PCDHGA8: variants seen among roughly 807,000 people sequenced by gnomAD.
PCDHGA8 encodes protocadherin gamma-A8.
A neutral mutation model predicts 59.2 loss-of-function variants in PCDHGA8; 45 were observed. The observed-to-expected ratio is 0.76, with a 90% CI of 0.60 to 0.98. PCDHGA8 has a LOEUF of 0.98. Ranked by LOEUF, PCDHGA8 falls within the 50% of genes least tolerant of loss-of-function variation. The pLI is 0.00. For synonymous variants in PCDHGA8, 531 were observed against 519.0 expected (o/e 1.02, Z -0.32); for missense variants, 1,257 against 1,196.2 (o/e 1.05, Z -0.75).
chr5:141,404,965 C>A, intron 1 of PCDHGA8: 1 of 1,614,030 alleles, frequency 6.2e-7, no homozygotes, highest in Non-Finnish European at 8.5e-7. Context: ...TCCCAGACAT[C>A]CTGGCTGACC....
intron 2 of PCDHGA8, among the ~76,000 whole-genome samples, chr5:141,497,390 C>T (rs2099776143): frequency 6.6e-6 from 1 of 152,158 alleles, no homozygotes; most frequent in Non-Finnish European, 1.5e-5. Context: ...GAGCACCTTA[C>T]CCCTGCCTCA....
chr5:141,392,857 T>C lies in PCDHGA8; in HGVS notation c.44T>C (p.Leu15Pro). 8 of 1,612,536 alleles carry C rather than the reference T, an allele frequency of 5.0e-6. No homozygotes were observed. Among genetic ancestry groups the C allele is most frequent in the Non-Finnish European group, 6.8e-6 (8 of 1,179,450 alleles). ...CGCCCCAGACGCGGCGAGCTGATCC[T>C]GCTGTGCGCGCTGCTGGGAACGCTG... is the stretch of plus-strand genomic sequence containing the variant. ...QSRPRRGELI[L>P]LCALLGTLWE... Residue 15 changes from leucine (L) to proline (P), a missense_variant, in exon 1 of 4, where the codon CTG (leucine) becomes CCG (proline). Physicochemically the swap from Leu to Pro is moderately conservative, Grantham distance 98 (BLOSUM62 -3). Transcript: ENST00000398604.
chr5:141,490,793 C>T lies in PCDHGA8; in HGVS notation c.2425-4014C>T, dbSNP rs2233608. 6 of 1,613,812 alleles carry T rather than the reference C, an allele frequency of 3.7e-6. No homozygotes were observed. The East Asian group carries it at 1.3e-4, about 36-fold the overall frequency. On this transcript the variant is annotated intron_variant, in intron 1 of 3. Transcript: ENST00000398604. This position sits in a 1 kb window ranked among gnomAD's most constrained non-coding sequence, Gnocchi z 5.4. Reference sequence around the variant, plus strand: ...AACCCAGAGGATGGACGGATCTTTGCCCAGCGTACCTTTGACTATGAATTG... The same window carrying T: ...AACCCAGAGGATGGACGGATCTTTGTCCAGCGTACCTTTGACTATGAATTG...
chr5:141,478,424 G>A, intron 1 of PCDHGA8: 2 of 1,613,686 alleles, frequency 1.2e-6, no homozygotes, highest in African/African-American at 1.3e-5. Context: ...CCGCCGCAGC[G>A]ACCCGCTGCT....
chr5:141,409,566 C>G (rs750850161), intron 1 of PCDHGA8: 1 of 1,613,978 alleles, frequency 6.2e-7, no homozygotes, highest in South Asian at 1.1e-5. Flanking sequence ...TTCGACCAGA[C>G]GTCCTACGTG....
chr5:141,422,790 C>G, intron 1 of PCDHGA8: 1 of 1,614,060 alleles, frequency 6.2e-7, no homozygotes, highest in South Asian at 1.1e-5. Context: ...TACAATCCTT[C>G]GACTATGAGC....
rs539901154 is a variant in PCDHGA8, at chr5:141,413,036, T to C, written c.2424+17799T>C. 238 of 805,778 alleles carry C rather than the reference T, an allele frequency of 3.0e-4. 1 individual carries two copies. Among genetic ancestry groups the C allele is most frequent in the Non-Finnish European group, 4.2e-4 (226 of 532,568 alleles). 49.9% of individuals were successfully genotyped at this position (805,778 alleles called of 1,614,324 possible). On this transcript the variant is annotated intron_variant, in intron 1 of 3. Transcript: ENST00000398604. ...TACACAAGCCCCACAAACCGGCTGC[T>C]GGGCTGCAGGGAAGCTCACTCCAGA...
chr5:141,414,222 A>G lies in PCDHGA8; in HGVS notation c.2424+18985A>G, dbSNP rs1038407271. 3.7e-6 allele frequency: 6 copies of G among 1,613,316 alleles called. No individual in the cohort carries two copies. The African/African-American group carries it at 5.3e-5, about 14-fold the overall frequency. On this transcript the variant is annotated intron_variant, in intron 1 of 3. Coordinates refer to ENST00000398604, the MANE Select transcript of PCDHGA8 (RefSeq NM_032088.2). ...TAGAAGATGTAAATGACAACAGTCC[A>G]GAGCTGACCATCACGTCTCTATTTA...
intron 1 of PCDHGA8, among the ~76,000 whole-genome samples, chr5:141,456,023 G>A (rs937523861): frequency 1.3e-5 from 2 of 151,586 alleles, no homozygotes; most frequent in South Asian, 2.1e-4. Context: ...TCAGCCTCCC[G>A]AGTAGCTGGG....
intron 1 of PCDHGA8, among the ~76,000 whole-genome samples, chr5:141,469,859 A>C (rs2099213257): frequency 6.6e-6 from 1 of 152,080 alleles, no homozygotes; most frequent in Non-Finnish European, 1.5e-5. Context: ...GACCGGGTGC[A>C]ATGGCTCACG....
intron 1 of PCDHGA8, chr5:141,471,361 C>T (rs1206745378): frequency 6.6e-6 from 1 of 151,976 alleles, no homozygotes; most frequent in Non-Finnish European, 1.5e-5. Context: ...TCCAAGCCCC[C>T]TATTTTTATT....
rs1590066119 is a variant in PCDHGA8, at chr5:141,417,816, C to G, written c.2424+22579C>G. On this transcript the variant is annotated intron_variant, in intron 1 of 3. Transcript: ENST00000398604. ...CTTTTAGCGCGGTAGAGTGCACTTT[C>G]TCCAACTGGAAAAGCGGGGACCCAG... is the stretch of plus-strand genomic sequence containing the variant. 3 of 1,511,044 alleles carry G rather than the reference C, an allele frequency of 2.0e-6. No homozygotes were observed. The East Asian group carries it at 7.4e-5, about 37-fold the overall frequency. 93.6% of individuals were successfully genotyped at this position (1,511,044 alleles called of 1,614,324 possible).
intron 1 of PCDHGA8, among the ~76,000 whole-genome samples, chr5:141,434,767 C>T (rs2097715264): frequency 6.6e-6 from 1 of 151,182 alleles, no homozygotes. Flanking sequence ...CCACTTCACA[C>T]TTCTAAAAAA....
At chr5:141,403,890 C>A in intron 1 of PCDHGA8, 1 of 1,613,714 alleles carries the variant, frequency 6.2e-7, no homozygotes, top group Non-Finnish European at 8.5e-7. Flanking sequence ...GAAGAATGTT[C>A]ATTTTATGAA....
In PCDHGA8 at chr5:141,438,591, C is replaced by T. The variant is rs12717894; in HGVS notation, c.2424+43354C>T. 3.5e-3 allele frequency among the ~76,000 whole-genome samples: 262 copies of T among 75,376 alleles called. 1 individual carries two copies. The highest frequency in any genetic ancestry group is 4.5e-3 in the Non-Finnish European group (168 of 37,204). 49.4% of individuals were successfully genotyped at this position (75,376 alleles called of 152,430 possible). ...TCTGATATACATACATACATACATA[C>T]ATATATATATATATATATATATATA... On this transcript the variant is annotated intron_variant, in intron 1 of 3. Transcript: ENST00000398604.
At chr5:141,404,855 A>G (rs370062374) in intron 1 of PCDHGA8, 13 of 1,613,704 alleles carry the variant, frequency 8.1e-6, no homozygotes, top group African/African-American at 2.7e-5. Flanking sequence ...CCTGCTAGAT[A>G]GAGATGCGCT....
chr5:141,478,290 A>G, intron 1 of PCDHGA8: 1 of 1,614,056 alleles, frequency 6.2e-7, no homozygotes, highest in South Asian at 1.1e-5. Flanking sequence ...CAGTCTAGAG[A>G]CCTATACCGA....
chr5:141,446,253 A>T (rs1452074783), intron 1 of PCDHGA8, among the ~76,000 whole-genome samples: 3 of 152,164 alleles, frequency 2.0e-5, no homozygotes, highest in African/African-American at 7.2e-5. Context: ...CTTCAGTGAA[A>T]TATTATTAAC....
intron 2 of PCDHGA8, among the ~76,000 whole-genome samples, chr5:141,497,212 G>A (rs968445663): frequency 6.6e-6 from 1 of 150,900 alleles, no homozygotes; most frequent in Non-Finnish European, 1.5e-5. Flanking sequence ...AGTGTAATGG[G>A]GGGGGGAAGA....
Sources: gnomAD v4.1 joint callset for allele counts (sites outside exome capture counted in the v4.1 genomes callset) on GRCh38, gnomAD v4.1.1 for gene constraint, Gnocchi (gnomAD v3.1) non-coding constraint, MANE v1.5 for transcripts, NCBI Gene and HGNC (gene_info 2026-07-23, HGNC 2026-07-21) for gene names.